Variants in ULK4 observed in about 807,000 individuals in gnomAD.
ULK4 encodes the protein inactive serine/threonine-protein kinase ULK4.
In ULK4, 133 loss-of-function variants were observed where a neutral mutation model predicts 160.6. That is an observed-to-expected ratio of 0.83 (90% CI 0.72 to 0.96). The LOEUF (loss-of-function observed/expected upper bound fraction) is 0.96. Among genes scored for constraint, ULK4 ranks in the 40% least tolerant of loss-of-function variants. The pLI is 0.00. For synonymous variants in ULK4, 534 were observed against 539.8 expected (o/e 0.99, Z 0.15); for missense variants, 1,580 against 1,499.5 (o/e 1.05, Z -0.89).
At chr3:41,293,398 G>A (rs898283516) in intron 35 of ULK4, among the ~76,000 whole-genome samples, 2 of 152,116 alleles carry the variant, frequency 1.3e-5, no homozygotes, top group African/African-American at 4.8e-5. Flanking sequence ...GGTAGTGAAG[G>A]TCAGTCCTCC....
At chr3:41,396,328 C>T (rs997063433) in intron 35 of ULK4, among the ~76,000 whole-genome samples, 9 of 104,208 alleles carry the variant, frequency 8.6e-5, no homozygotes, top group Non-Finnish European at 1.6e-4. Context: ...TCTGAAATTT[C>T]TAAGTTTCAA....
intron 32 of ULK4, among the ~76,000 whole-genome samples, chr3:41,486,697 T>C (rs1437445527): frequency 4.6e-5 from 7 of 152,172 alleles, no homozygotes; most frequent in Non-Finnish European, 8.8e-5. Flanking sequence ...CTAGTAGTTA[T>C]TGACAAAGTC....
At chr3:41,389,479 G>T (rs1024004446) in intron 35 of ULK4, among the ~76,000 whole-genome samples, 9 of 152,130 alleles carry the variant, frequency 5.9e-5, no homozygotes, top group Non-Finnish European at 1.0e-4. Context: ...TCCAGTTTTT[G>T]CCCATTCAGC....
chr3:41,828,720 C>A (rs1455862068), intron 18 of ULK4, among the ~76,000 whole-genome samples: 1 of 151,766 alleles, frequency 6.6e-6, no homozygotes, highest in Admixed American at 6.6e-5. Flanking sequence ...GCCATACTGC[C>A]CAAGATAATT....
intron 32 of ULK4, among the ~76,000 whole-genome samples, chr3:41,473,665 G>C (rs1795373): frequency 2.3e-5 from 2 of 85,452 alleles, no homozygotes; most frequent in Admixed American, 1.2e-4. Context: ...CTGTCTCAAA[G>C]AAAAAAAAAA....
At chr3:41,448,189 T>A (rs941649501) in intron 34 of ULK4, among the ~76,000 whole-genome samples, 2 of 151,968 alleles carry the variant, frequency 1.3e-5, no homozygotes, top group Non-Finnish European at 2.9e-5. Context: ...CATAAACAAG[T>A]GTTTTTGGTA....
chr3:41,585,719 G>A (rs1411207428), intron 31 of ULK4, among the ~76,000 whole-genome samples: 1 of 152,060 alleles, frequency 6.6e-6, no homozygotes, highest in Non-Finnish European at 1.5e-5. Flanking sequence ...ACAATCAACA[G>A]AGAGAAAAGA....
intron 5 of ULK4, among the ~76,000 whole-genome samples, chr3:41,922,636 G>A (rs1716983): frequency 0.68 from 94,052 of 137,704 alleles, 35,840 homozygotes; most frequent in East Asian, 0.84. Flanking sequence ...AAGGTGGGGG[G>A]TGAGGGGAGA....
intron 32 of ULK4, among the ~76,000 whole-genome samples, chr3:41,514,292 A>C (rs2085681266): frequency 6.6e-6 from 1 of 152,244 alleles, no homozygotes; most frequent in African/African-American, 2.4e-5. Context: ...TAACATAAAA[A>C]GTAATAATCT....
chr3:41,518,220 T>G (rs2085815895), intron 32 of ULK4, among the ~76,000 whole-genome samples: 1 of 152,182 alleles, frequency 6.6e-6, no homozygotes, highest in East Asian at 1.9e-4. Context: ...ATCCAACATT[T>G]GGGGCTTATA....
At chr3:41,448,688 CA>C (rs2083359920) in intron 34 of ULK4, among the ~76,000 whole-genome samples, 1 of 152,004 alleles carries the variant, frequency 6.6e-6, no homozygotes, top group Non-Finnish European at 1.5e-5. Flanking sequence ...GTGCTCATGG[CA>C]ACGAGGAGAA....
chr3:41,724,463 A>G (rs7651190), intron 22 of ULK4, among the ~76,000 whole-genome samples: 48,466 of 151,948 alleles, frequency 0.32, 11,430 homozygotes, highest in African/African-American at 0.67. Flanking sequence ...GGTGGCTCAC[A>G]TCTGTAATCC....
At chr3:41,591,645 G>A (rs1293800350) in intron 31 of ULK4, among the ~76,000 whole-genome samples, 1 of 152,148 alleles carries the variant, frequency 6.6e-6, no homozygotes, top group Non-Finnish European at 1.5e-5. Context: ...GTTAATATGA[G>A]TAAATATTTT....
chr3:41,911,228 G>T, intron 11 of ULK4, 89 bp downstream of exon 11: 1 of 1,267,416 alleles, frequency 7.9e-7, no homozygotes, highest in Non-Finnish European at 1.1e-6. Context: ...CTTTATCTCT[G>T]TGTAACAAAG....
chr3:41,314,230 G>A (rs2080105376), intron 35 of ULK4, among the ~76,000 whole-genome samples: 1 of 152,094 alleles, frequency 6.6e-6, no homozygotes, highest in Middle Eastern at 3.2e-3. Context: ...ATATATTTAT[G>A]GGGTATAAGT....
rs1444879842 is a variant in ULK4, at chr3:41,789,861, C to G, written c.2011-18G>C. 6.4e-7 allele frequency: 1 copy of G among 1,560,316 alleles called. No homozygotes were observed. The highest frequency in any genetic ancestry group is 2.4e-5 in the East Asian group (1 of 42,196). ...CACAAGGCCTACAAAGACAAGAGAA[C>G]AGACCTGTCAGGCAACTCCAAGTGC... On this transcript the variant is annotated intron_variant, in intron 20 of 36. Coordinates refer to ENST00000301831, the MANE Select transcript of ULK4 (RefSeq NM_017886.4).
intron 2 of ULK4, among the ~76,000 whole-genome samples, chr3:41,943,412 T>A (rs988247905): frequency 6.6e-6 from 1 of 152,130 alleles, no homozygotes; most frequent in African/African-American, 2.4e-5. Context: ...TGTGACCATA[T>A]ACACGCACTT....
At chr3:41,707,049 C>T (rs1011732276) in intron 25 of ULK4, among the ~76,000 whole-genome samples, 1 of 151,976 alleles carries the variant, frequency 6.6e-6, no homozygotes, top group Non-Finnish European at 1.5e-5. Flanking sequence ...ATCCCATCTG[C>T]CTACCTCACT....
intron 19 of ULK4, among the ~76,000 whole-genome samples, chr3:41,817,220 T>G (rs2040996962): frequency 6.6e-6 from 1 of 152,194 alleles, no homozygotes; most frequent in Non-Finnish European, 1.5e-5. Flanking sequence ...CTCAAAAGAA[T>G]GTGGCGCCAT....
Sources: gnomAD v4.1 joint callset for allele counts (sites outside exome capture counted in the v4.1 genomes callset) on GRCh38, gnomAD v4.1.1 for gene constraint, MANE v1.5 for transcripts, NCBI Gene and HGNC (gene_info 2026-07-23, HGNC 2026-07-21) for gene names.